The following NOL4 variants were observed in gnomAD, a reference collection of about 807,000 sequenced individuals.
NOL4 encodes nucleolar protein 4.
NOL4 carries 17 observed loss-of-function variants against 75.9 expected under a neutral mutation model. That is an observed-to-expected ratio of 0.22 (90% CI 0.15 to 0.34). The LOEUF (loss-of-function observed/expected upper bound fraction) is 0.34. Among genes scored for constraint, NOL4 ranks in the 10% least tolerant of loss-of-function variants. The pLI is 1.00. For missense variants in NOL4, 614 were observed against 793.5 expected, an observed-to-expected ratio of 0.77 and a Z score of 2.72; for synonymous variants, 292 against 289.9, an observed-to-expected ratio of 1.01 and a Z score of -0.07.
chr18:33,907,279 C>T (rs1229616062), intron 9 of NOL4, among the ~76,000 whole-genome samples: 1 of 146,448 alleles, frequency 6.8e-6, no homozygotes, highest in Non-Finnish European at 1.5e-5. Flanking sequence ...GCTGAGATCG[C>T]CTCCACTGCA....
At chr18:34,158,480 A>C (rs554382753) in intron 1 of NOL4, 77 of 152,338 alleles carry the variant, frequency 5.1e-4, no homozygotes, top group African/African-American at 1.7e-3. Flanking sequence ...AACTGACCTC[A>C]AACACAGATG....
At chr18:33,986,547 T>C (rs1402783968) in intron 6 of NOL4, among the ~76,000 whole-genome samples, 1 of 152,090 alleles carries the variant, frequency 6.6e-6, no homozygotes, top group Non-Finnish European at 1.5e-5. Flanking sequence ...ACTCATGAAT[T>C]GTTTATTTCT....
At chr18:34,185,640 C>T (rs1600823959) in intron 1 of NOL4, among the ~76,000 whole-genome samples, 1 of 152,154 alleles carries the variant, frequency 6.6e-6, no homozygotes, top group African/African-American at 2.4e-5. Flanking sequence ...AATTGTGTTC[C>T]ATGAGAATCT....
rs549721899 is a variant in NOL4, at chr18:34,056,084, T to C, written c.773-36483A>G. 2.2e-3 allele frequency among the ~76,000 whole-genome samples: 340 copies of C among 152,318 alleles called. 2 individuals are homozygous for C. Among genetic ancestry groups the C allele is most frequent in the African/African-American group, 7.8e-3 (323 of 41,566 alleles). ...TTGAGCTTACTGACCATATTTAAAA[T>C]AGTTGTTTTTAATTATTTGTCAGAA... On this transcript the variant is annotated intron_variant, in intron 5 of 10. Transcript: ENST00000261592.
chr18:33,867,257 A>G (rs1230850748), intron 10 of NOL4, among the ~76,000 whole-genome samples: 1 of 152,126 alleles, frequency 6.6e-6, no homozygotes, highest in Non-Finnish European at 1.5e-5. Context: ...TTTTGTCTGT[A>G]TATTAAATGA....
intron 10 of NOL4, among the ~76,000 whole-genome samples, chr18:33,881,544 G>T (rs2064273163): frequency 1.3e-5 from 2 of 151,806 alleles, no homozygotes; most frequent in Non-Finnish European, 2.9e-5. Context: ...ACTGCTCAAG[G>T]AAATAAAAGA....
chr18:33,862,664 G>A (rs764627562), intron 10 of NOL4, among the ~76,000 whole-genome samples: 1 of 152,144 alleles, frequency 6.6e-6, no homozygotes, highest in Non-Finnish European at 1.5e-5. Flanking sequence ...AAAAACACAT[G>A]AAAAAATGCT....
intron 1 of NOL4, among the ~76,000 whole-genome samples, chr18:34,206,521 T>C (rs1299671819): frequency 6.6e-6 from 1 of 152,168 alleles, no homozygotes; most frequent in Non-Finnish European, 1.5e-5. Flanking sequence ...AATGTTTCAC[T>C]AGAGATACAA....
intron 6 of NOL4, among the ~76,000 whole-genome samples, chr18:34,004,693 G>T (rs547425082): frequency 1.4e-4 from 21 of 152,106 alleles, no homozygotes; most frequent in African/African-American, 4.8e-4. Flanking sequence ...ACACACCCTA[G>T]TCAAATTAAA....
At chr18:33,878,809 G>A (rs752513991) in intron 10 of NOL4, among the ~76,000 whole-genome samples, 6 of 151,978 alleles carry the variant, frequency 3.9e-5, no homozygotes, top group Non-Finnish European at 5.9e-5. Context: ...ACAAGACTAC[G>A]GAGTTTTTGT....
intron 6 of NOL4, among the ~76,000 whole-genome samples, chr18:33,976,261 G>C (rs143754000): frequency 6.6e-6 from 1 of 152,092 alleles, no homozygotes; most frequent in South Asian, 2.1e-4. Flanking sequence ...AAGGTTTTCT[G>C]TCAGAGAAAA....
intron 5 of NOL4, among the ~76,000 whole-genome samples, chr18:34,077,056 A>C (rs370029396): frequency 1.3e-5 from 2 of 152,326 alleles, no homozygotes; most frequent in African/African-American, 4.8e-5. Context: ...CTATAATCCC[A>C]GCACTTTCGA....
At chr18:34,112,068 C>T (rs921885846) in intron 2 of NOL4, among the ~76,000 whole-genome samples, 2 of 152,052 alleles carry the variant, frequency 1.3e-5, no homozygotes, top group African/African-American at 4.8e-5. Context: ...TCACAATAGC[C>T]AGGATATGGG....
intron 10 of NOL4, among the ~76,000 whole-genome samples, chr18:33,856,681 G>T (rs1263482299): frequency 1.3e-5 from 2 of 151,998 alleles, no homozygotes; most frequent in African/African-American, 2.4e-5. Context: ...TACTACAGGG[G>T]TTGGTGAAAT....
intron 5 of NOL4, among the ~76,000 whole-genome samples, chr18:34,066,875 G>C (rs575366579): frequency 1.3e-5 from 2 of 151,994 alleles, no homozygotes; most frequent in Admixed American, 1.3e-4. Context: ...AACAAAGAAG[G>C]CTCTTCATCT....
chr18:33,868,811 G>T (rs1271667637), intron 10 of NOL4, among the ~76,000 whole-genome samples: 3 of 151,856 alleles, frequency 2.0e-5, no homozygotes, highest in African/African-American at 7.2e-5. Context: ...AATTAGTGAA[G>T]AATTAGCTCC....
intron 5 of NOL4, among the ~76,000 whole-genome samples, chr18:34,077,131 C>T (rs2077780337): frequency 6.6e-6 from 1 of 152,070 alleles, no homozygotes; most frequent in East Asian, 1.9e-4. Flanking sequence ...CATGGTGAAA[C>T]CCGGTCTCTA....
Position 34,102,700 on chromosome 18 carries a change from T to C in NOL4, c.639+1347A>G, listed in dbSNP as rs542265501. 3.3e-5 allele frequency among the ~76,000 whole-genome samples: 5 copies of C among 152,126 alleles called. No homozygotes were observed. The South Asian group carries it at 1.0e-3, about 31-fold the overall frequency. On this transcript the variant is annotated intron_variant, in intron 4 of 10. Transcript: ENST00000261592. ...ACATTTTGGCCTAGTAATAAACATA[T>C]CAACATCTAAATGAGCTTCCTACAA...
intron 1 of NOL4, among the ~76,000 whole-genome samples, chr18:34,209,738 T>C (rs2036385381): frequency 6.6e-6 from 1 of 152,220 alleles, no homozygotes; most frequent in Admixed American, 6.5e-5. Context: ...GTGCCATCAT[T>C]GGCAACAGTT....
Sources: allele counts gnomAD v4.1 joint callset (sites outside exome capture counted in the v4.1 genomes callset), GRCh38; gene constraint gnomAD v4.1.1; transcripts MANE v1.5; gene names NCBI Gene and HGNC (gene_info 2026-07-23, HGNC 2026-07-21).